PPARGC1B: variants seen among roughly 807,000 people sequenced by gnomAD.
The protein encoded by PPARGC1B is PPARG coactivator 1 beta.
Under a neutral mutation model 101.6 loss-of-function variants are expected in PPARGC1B, and 34 were observed. The observed-to-expected ratio is 0.33, with a 90% CI of 0.25 to 0.45. PPARGC1B has a LOEUF of 0.45. Among genes scored for constraint, PPARGC1B ranks in the 20% least tolerant of loss-of-function variants. PPARGC1B has a pLI of 1.00. For synonymous variants in PPARGC1B, 548 were observed against 539.3 expected (o/e 1.02, Z -0.22); for missense variants, 1,234 against 1,317.6 (o/e 0.94, Z 0.98).
Position 149,833,435 on chromosome 5 carries a change from A to G in PPARGC1B, c.1362A>G (p.Lys454=), listed in dbSNP as rs1477935618. The G allele has an allele frequency of 1.3e-6, 2 of 1,583,422 alleles. No individual in the cohort carries two copies. Among genetic ancestry groups the G allele is most frequent in the Non-Finnish European group, 8.6e-7 (1 of 1,164,890 alleles). Residue 454 remains lysine, a synonymous_variant, in exon 5 of 12, where the codon AAA becomes AAG. Transcript: ENST00000309241. This position sits in a 1 kb window ranked among gnomAD's most constrained non-coding sequence, Gnocchi z 4.1. The stretch of plus-strand genomic sequence containing the variant: ...AGGAGGAGGAGGAGTGGGGCAGGAA[A>G]AGGCCAGGCCGAGGCCTGCCATGGA... ...EKEEEEEWGR[K]RPGRGLPWTK... is the part of the protein sequence containing the mutation.
intron 1 of PPARGC1B, among the ~76,000 whole-genome samples, chr5:149,782,759 T>C (rs1424067309): frequency 6.6e-6 from 1 of 152,244 alleles, no homozygotes; most frequent in Non-Finnish European, 1.5e-5. Flanking sequence ...GCCTGATGCC[T>C]GGCCTTGCCA....
chr5:149,752,209 C>T (rs1561852608), intron 1 of PPARGC1B, among the ~76,000 whole-genome samples: 1 of 152,234 alleles, frequency 6.6e-6, no homozygotes, highest in South Asian at 2.1e-4. Flanking sequence ...CATCTCTCTA[C>T]ATGTCCGTTA....
intron 1 of PPARGC1B, among the ~76,000 whole-genome samples, chr5:149,795,601 A>G (rs1757180431): frequency 6.6e-6 from 1 of 152,156 alleles, no homozygotes; most frequent in African/African-American, 2.4e-5. Flanking sequence ...ATCTGAGTAC[A>G]GGTGTGGATG....
At chr5:149,842,163 A>C in intron 9 of PPARGC1B, 93 bp from the exon 10 acceptor site, 1 of 1,506,354 alleles carries the variant, frequency 6.6e-7, no homozygotes, top group South Asian at 1.2e-5. Context: ...GGCATCATGG[A>C]CTAGGACAAG....
At chr5:149,743,678 C>T (rs1561848389) in intron 1 of PPARGC1B, among the ~76,000 whole-genome samples, 1 of 152,144 alleles carries the variant, frequency 6.6e-6, no homozygotes. Flanking sequence ...TGGAGACGTG[C>T]TAGGATGTGT....
At chr5:149,816,771 C>A (rs1758070461) in intron 1 of PPARGC1B, among the ~76,000 whole-genome samples, 1 of 152,182 alleles carries the variant, frequency 6.6e-6, no homozygotes, top group Non-Finnish European at 1.5e-5. Flanking sequence ...GCCTCGGAGG[C>A]CCCAGCTGCC....
chr5:149,811,321 A>G (rs1044857865), intron 1 of PPARGC1B, among the ~76,000 whole-genome samples: 1 of 152,184 alleles, frequency 6.6e-6, no homozygotes, highest in Non-Finnish European at 1.5e-5. Flanking sequence ...ATTTCTCATA[A>G]TCTTTTACCA....
At chr5:149,736,507 C>T (rs1754715485) in intron 1 of PPARGC1B, among the ~76,000 whole-genome samples, 5 of 152,136 alleles carry the variant, frequency 3.3e-5, no homozygotes, top group Non-Finnish European at 7.3e-5. Context: ...GCCTCATATC[C>T]ATCCCATTGA....
rs187947901 is a variant in PPARGC1B, at chr5:149,752,164, C to T, written c.78+21744C>T. On this transcript the variant is annotated intron_variant, in intron 1 of 11. Coordinates refer to ENST00000309241, the MANE Select transcript of PPARGC1B (RefSeq NM_133263.4). ...GTACTTCCCAGGCTTTAATCACTCC[C>T]GAGGTTTGGCTTTTAGTCTACATAC... Among the ~76,000 whole-genome samples the T allele has an allele frequency of 2.8e-3, 422 of 152,326 alleles. 1 individual carries two copies. The highest frequency in any genetic ancestry group is 4.8e-3 in the Admixed American group (74 of 15,310).
intron 1 of PPARGC1B, among the ~76,000 whole-genome samples, chr5:149,809,489 G>GATAGATAGATAGATAGATCCATCTCTACC (rs1561568493): frequency 2.8e-5 from 2 of 71,444 alleles, no homozygotes; most frequent in African/African-American, 7.7e-5. Flanking sequence ...TAGATAGATA[G>GATAGATAGATAGATAGATCCATCTCTACC]ATAGATAGAT....
chr5:149,763,863 C>CCG (rs1755807812), intron 1 of PPARGC1B, among the ~76,000 whole-genome samples: 1 of 151,688 alleles, frequency 6.6e-6, no homozygotes, highest in African/African-American at 2.4e-5. Context: ...GGCTGACCGC[C>CCG]ACCTCTGCCT....
At chr5:149,735,264 G>A (rs1561844561) in intron 1 of PPARGC1B, among the ~76,000 whole-genome samples, 1 of 152,156 alleles carries the variant, frequency 6.6e-6, no homozygotes, top group Non-Finnish European at 1.5e-5. Flanking sequence ...CCCAGGAAGG[G>A]CAATGGCCCA....
At chr5:149,733,482 C>T (rs752802545) in intron 1 of PPARGC1B, among the ~76,000 whole-genome samples, 4 of 152,230 alleles carry the variant, frequency 2.6e-5, no homozygotes, top group Non-Finnish European at 5.9e-5. Flanking sequence ...CTGTGTGATA[C>T]AACCAAGCAC....
At chr5:149,820,112 C>G (rs994568567) in intron 1 of PPARGC1B, among the ~76,000 whole-genome samples, 1 of 152,140 alleles carries the variant, frequency 6.6e-6, no homozygotes, top group Non-Finnish European at 1.5e-5. Flanking sequence ...AAAGGATTAG[C>G]TCCTCTATTT....
chr5:149,846,026 C>T, intron 11 of PPARGC1B, 112 bp downstream of exon 11: 2 of 1,275,532 alleles, frequency 1.6e-6, no homozygotes, highest in African/African-American at 1.5e-5. Flanking sequence ...CTTCCATCCC[C>T]ACACCCCAGT....
At chr5:149,748,497 T>C (rs748695564) in intron 1 of PPARGC1B, among the ~76,000 whole-genome samples, 17 of 152,164 alleles carry the variant, frequency 1.1e-4, no homozygotes, top group Non-Finnish European at 1.9e-4. Flanking sequence ...TCACTCCTTG[T>C]GCACGGGAAA....
intron 1 of PPARGC1B, among the ~76,000 whole-genome samples, chr5:149,738,242 A>G (rs979903763): frequency 2.6e-5 from 4 of 151,914 alleles, no homozygotes; most frequent in African/African-American, 9.7e-5. Flanking sequence ...CAGACATTTA[A>G]TCAGTCCTCA....
intron 1 of PPARGC1B, among the ~76,000 whole-genome samples, chr5:149,740,962 G>GGAAACAGACTA (rs1239799384): frequency 6.6e-6 from 1 of 152,192 alleles, no homozygotes; most frequent in Non-Finnish European, 1.5e-5. Context: ...CTTGAAGGAA[G>GGAAACAGACTA]GAAACAGACT....
chr5:149,845,660 C>T (rs770779928), intron 10 of PPARGC1B, 100 bp from the exon 11 acceptor site: 15 of 1,287,444 alleles, frequency 1.2e-5, no homozygotes, highest in East Asian at 2.3e-5. Context: ...ATGTGGGTAT[C>T]GAATCACTGT....
Sources: allele counts gnomAD v4.1 joint callset (sites outside exome capture counted in the v4.1 genomes callset), GRCh38; gene constraint gnomAD v4.1.1; non-coding constraint Gnocchi (gnomAD v3.1); transcripts MANE v1.5; gene names NCBI Gene and HGNC (gene_info 2026-07-23, HGNC 2026-07-21).